TBPL2: variants seen among roughly 807,000 people sequenced by gnomAD.
The protein encoded by TBPL2 is TATA-box binding protein like 2.
A neutral mutation model predicts 38.2 loss-of-function variants in TBPL2; 40 were observed. The observed-to-expected ratio is 1.05, with a 90% CI of 0.81 to 1.36. TBPL2 has a LOEUF of 1.36. TBPL2 is among the 40% of genes most tolerant of loss of function. The pLI, the probability that TBPL2 is intolerant of heterozygous loss-of-function variation, is 0.00. For missense variants in TBPL2, 461 were observed against 456.7 expected (o/e 1.01, Z -0.09); for synonymous variants, 169 against 171.7 (o/e 0.98, Z 0.12).
chr14:55,431,133 G>A (rs182304767), intron 4 of TBPL2, among the ~76,000 whole-genome samples: 84 of 152,304 alleles, frequency 5.5e-4, no homozygotes, highest in Non-Finnish European at 5.7e-4. Flanking sequence ...TACTCTTGCT[G>A]TTACAACAAA....
chr14:55,429,559 C>T (rs993981238), intron 4 of TBPL2, among the ~76,000 whole-genome samples: 1 of 152,034 alleles, frequency 6.6e-6, no homozygotes, highest in African/African-American at 2.4e-5. Context: ...AGGACAGTAG[C>T]TCGAGACCGG....
intron 6 of TBPL2, among the ~76,000 whole-genome samples, chr14:55,417,916 A>T (rs563975891): frequency 6.6e-6 from 1 of 152,318 alleles, no homozygotes; most frequent in East Asian, 1.9e-4. Flanking sequence ...ACCTCTAACT[A>T]GCTTTAAAAT....
exon 6 of TBPL2, chr14:55,424,224 A>C (rs764308345): frequency 6.2e-7 from 1 of 1,613,382 alleles, no homozygotes; most frequent in South Asian, 1.1e-5. Context: ...CATTCTATAA[A>C]TAAGACCAGG....
At chr14:55,432,258 A>T (rs1342746353) in intron 4 of TBPL2, among the ~76,000 whole-genome samples, 2 of 151,452 alleles carry the variant, frequency 1.3e-5, no homozygotes, top group African/African-American at 4.8e-5. Context: ...AAAAAAAAAA[A>T]AAAAATTAGC....
At chr14:55,432,841 A>G (rs1885953777) in intron 4 of TBPL2, among the ~76,000 whole-genome samples, 1 of 152,176 alleles carries the variant, frequency 6.6e-6, no homozygotes, top group African/African-American at 2.4e-5. Flanking sequence ...ATACCCATCA[A>G]CACAGGGCTT....
chr14:55,416,365 G>A (rs1231965535), intron 6 of TBPL2, among the ~76,000 whole-genome samples: 4 of 152,172 alleles, frequency 2.6e-5, no homozygotes, highest in East Asian at 3.9e-4. Context: ...GCCAAGGTGG[G>A]AGGATCCCTT....
exon 2 of TBPL2, chr14:55,436,937 C>T: frequency 6.2e-7 from 1 of 1,614,170 alleles, no homozygotes; most frequent in Non-Finnish European, 8.5e-7. Flanking sequence ...AATGCAGTAT[C>T]CGGATTGGAT....
At chr14:55,436,042 G>C (rs1165550982) in intron 2 of TBPL2, 108 bp from the exon 3 acceptor site, 20 of 620,940 alleles carry the variant, frequency 3.2e-5, no homozygotes, top group Non-Finnish European at 4.5e-5. Flanking sequence ...AATTTCCTAG[G>C]GGGAGAATTA....
chr14:55,418,180 C>T (rs1566590082), intron 6 of TBPL2, among the ~76,000 whole-genome samples: 3 of 152,328 alleles, frequency 2.0e-5, no homozygotes, highest in East Asian at 3.9e-4. Flanking sequence ...TTATTTATGT[C>T]TGTCTCCCTC....
chr14:55,423,884 G>A, intron 6 of TBPL2, among the ~76,000 whole-genome samples: 1 of 152,264 alleles, frequency 6.6e-6, no homozygotes, highest in East Asian at 1.9e-4. Flanking sequence ...GTTTGTAACA[G>A]TAAGTTTAAG....
In TBPL2 at chr14:55,428,119, C is replaced by CTTTTTTTTTTTTTTTTTTTTTTT. The variant is rs567342581; in HGVS notation, c.956+665_956+687dup. 1.2e-4 allele frequency among the ~76,000 whole-genome samples: 5 copies of CTTTTTTTTTTTTTTTTTTTTTTT among 43,332 alleles called. 2 individuals carry two copies. The highest frequency in any genetic ancestry group is 1.9e-4 in the Non-Finnish European group (5 of 26,280). 28.4% of individuals were successfully genotyped at this position (43,332 alleles called of 152,430 possible). A position where few individuals can be genotyped will look rare whatever the true frequency, so the allele number is the denominator to read the frequency against. On this transcript the variant is annotated intron_variant, in intron 5 of 6. Coordinates refer to ENST00000247219, the Ensembl canonical transcript of TBPL2. ...GCCTAGTCCATTTCACATGCCTTAT[C>CTTTTTTTTTTTTTTTTTTTTTTT]TTTTTTTTTTTTTTTTTTTTTTTTT...
chr14:55,439,231 A>AC (rs1251897154), intron 1 of TBPL2, among the ~76,000 whole-genome samples: 4 of 142,456 alleles, frequency 2.8e-5, no homozygotes, highest in African/African-American at 1.0e-4. Context: ...GAGCCACCTC[A>AC]CCCTGCCCAA....
At chr14:55,431,392 AC>A (rs1161268984) in intron 4 of TBPL2, among the ~76,000 whole-genome samples, 1 of 152,210 alleles carries the variant, frequency 6.6e-6, no homozygotes, top group Non-Finnish European at 1.5e-5. Flanking sequence ...GATAACAAAC[AC>A]CATTTAGCTG....
intron 6 of TBPL2, among the ~76,000 whole-genome samples, chr14:55,419,256 C>T (rs970862215): frequency 4.6e-5 from 7 of 152,296 alleles, no homozygotes; most frequent in Admixed American, 2.6e-4. Flanking sequence ...TTTACTAAGC[C>T]GTTCCATTTT....
intron 5 of TBPL2, among the ~76,000 whole-genome samples, chr14:55,424,936 GA>G (rs1307899016): frequency 2.6e-5 from 4 of 152,302 alleles, no homozygotes; most frequent in Admixed American, 1.3e-4. Flanking sequence ...CTACCAAAAA[GA>G]AGTCAGGAAG....
At chr14:55,422,370 T>G (rs1885757348) in intron 6 of TBPL2, among the ~76,000 whole-genome samples, 1 of 152,048 alleles carries the variant, frequency 6.6e-6, no homozygotes, top group Non-Finnish European at 1.5e-5. Flanking sequence ...CTCAGCCTCC[T>G]GAGTAGCTGG....
Position 55,435,846 on chromosome 14 carries a change from C to T in TBPL2, c.696+1G>A. ...TTGGAAGGAATACTGAGAAATGTTA[C>T]CTTTGGGTTATATTCTGCATTTTTT... On this transcript the variant is annotated splice_donor_variant, in intron 3 of 6. Coordinates refer to ENST00000247219, the Ensembl canonical transcript of TBPL2. LOFTEE classifies it high-confidence loss of function. 1 of 1,553,684 alleles carries T rather than the reference C, an allele frequency of 6.4e-7. No homozygotes were observed. Among genetic ancestry groups the T allele is most frequent in the Non-Finnish European group, 8.6e-7 (1 of 1,156,126 alleles).
intron 6 of TBPL2, among the ~76,000 whole-genome samples, chr14:55,416,747 C>G (rs1263427350): frequency 6.6e-6 from 1 of 152,206 alleles, no homozygotes; most frequent in African/African-American, 2.4e-5. Context: ...CTGCATTCGT[C>G]TTGAACAACC....
intron 4 of TBPL2, 72 bp downstream of exon 4, chr14:55,433,558 T>C: frequency 7.0e-7 from 1 of 1,438,444 alleles, no homozygotes; most frequent in Non-Finnish European, 9.7e-7. Context: ...CTTTAGCACA[T>C]TAATTCTATG....
Sources: allele counts gnomAD v4.1 joint callset (sites outside exome capture counted in the v4.1 genomes callset), GRCh38; gene constraint gnomAD v4.1.1; transcripts MANE v1.5; gene names NCBI Gene and HGNC (gene_info 2026-07-23, HGNC 2026-07-21).